Variants in RTN4 observed in about 807,000 individuals in gnomAD.
RTN4 encodes the protein reticulon 4, also known as reticulon-4.
RTN4 carries 32 observed loss-of-function variants against 90.4 expected under a neutral mutation model. The observed-to-expected ratio is 0.35, with a 90% CI of 0.27 to 0.48. The LOEUF is 0.48. Among genes scored for constraint, RTN4 ranks in the 20% least tolerant of loss-of-function variants. The pLI is 0.99. For missense variants in RTN4, 1,706 were observed against 1,430.2 expected (o/e 1.19, Z -3.11); for synonymous variants, 629 against 552.5 (o/e 1.14, Z -1.94).
chr2:55,014,402 T>A (rs1026183520), intron 3 of RTN4: 3 of 152,220 alleles, frequency 2.0e-5, no homozygotes, highest in African/African-American at 7.2e-5. Flanking sequence ...AAAGCATTTT[T>A]AAAAATTTTT....
intron 1 of RTN4, among the ~76,000 whole-genome samples, chr2:55,100,587 T>C (rs1170403138): frequency 6.6e-6 from 1 of 152,124 alleles, no homozygotes; most frequent in Non-Finnish European, 1.5e-5. Flanking sequence ...CAACAAAGCC[T>C]CAAGGTACAT....
At chr2:55,041,643 T>A (rs1437163284) in intron 1 of RTN4, among the ~76,000 whole-genome samples, 1 of 151,958 alleles carries the variant, frequency 6.6e-6, no homozygotes, top group Non-Finnish European at 1.5e-5. Context: ...AAATGGGAAA[T>A]AATCTTGAAA....
intron 3 of RTN4, among the ~76,000 whole-genome samples, chr2:55,010,737 A>G (rs919870351): frequency 6.6e-6 from 1 of 152,214 alleles, no homozygotes. Context: ...ATGAAGAGAT[A>G]AACAGAAAAT....
upstream of RTN4, among the ~76,000 whole-genome samples, chr2:55,052,995 T>TA (rs1668124511): frequency 6.6e-6 from 1 of 152,232 alleles, no homozygotes; most frequent in Non-Finnish European, 1.5e-5. Context: ...GGAGTATCTT[T>TA]AATCAAAGTT....
At chr2:55,015,996 C>G (rs890516024) in intron 3 of RTN4, among the ~76,000 whole-genome samples, 14 of 151,972 alleles carry the variant, frequency 9.2e-5, no homozygotes, top group Non-Finnish European at 7.4e-5. Context: ...GTTTTTATTT[C>G]AAATTGATTT....
chr2:55,038,042 T>G (rs778557278), intron 1 of RTN4, among the ~76,000 whole-genome samples: 20 of 152,224 alleles, frequency 1.3e-4, no homozygotes, highest in South Asian at 8.3e-4. Flanking sequence ...AAAAATATTT[T>G]CAAAAAACTC....
At chr2:55,125,408 G>C in the RTN4 span, among the ~76,000 whole-genome samples, 1 of 152,184 alleles carries the variant, frequency 6.6e-6, no homozygotes, top group Non-Finnish European at 1.5e-5. Context: ...AACTTGAACA[G>C]ATTTATAAGA....
intron 2 of RTN4, among the ~76,000 whole-genome samples, chr2:55,068,818 A>T (rs1165363508): frequency 1.3e-5 from 2 of 152,234 alleles, no homozygotes; most frequent in African/African-American, 4.8e-5. Context: ...GAATGTTAAA[A>T]AATGGGCACT....
chr2:54,994,471 C>T (rs948452680), intron 3 of RTN4, among the ~76,000 whole-genome samples: 1 of 152,120 alleles, frequency 6.6e-6, no homozygotes, highest in Admixed American at 6.5e-5. Flanking sequence ...AGGATAAGGA[C>T]AAAAACCACA....
chr2:55,130,972 G>C, the RTN4 span, among the ~76,000 whole-genome samples: 2 of 152,200 alleles, frequency 1.3e-5, no homozygotes, highest in African/African-American at 4.8e-5. Context: ...ATGTCCAAGA[G>C]TCATGCAAAA....
At chr2:55,002,144 G>C (rs527973524) in intron 3 of RTN4, among the ~76,000 whole-genome samples, 1 of 151,918 alleles carries the variant, frequency 6.6e-6, no homozygotes, top group South Asian at 2.1e-4. Context: ...CTGCAGCCTC[G>C]ACCTCCTGGG....
At chr2:55,024,980 G>C in intron 3 of RTN4, 106 bp downstream of exon 3, 1 of 1,317,744 alleles carries the variant, frequency 7.6e-7, no homozygotes, top group South Asian at 1.5e-5. Context: ...TTACCAATGT[G>C]ACATATGAGA....
At chr2:55,098,273 A>G (rs1667788002) in intron 1 of RTN4, among the ~76,000 whole-genome samples, 1 of 152,146 alleles carries the variant, frequency 6.6e-6, no homozygotes. Context: ...ATTCATTTGG[A>G]CTTATAATCC....
At chr2:55,053,606 G>T (rs928512235), upstream of RTN4, among the ~76,000 whole-genome samples, 2 of 151,014 alleles carry the variant, frequency 1.3e-5, 1 homozygote, top group African/African-American at 4.9e-5. Flanking sequence ...GAATTGCTTG[G>T]ACCTGAGAGG....
At chr2:55,067,354 G>A (rs897099613) in intron 2 of RTN4, among the ~76,000 whole-genome samples, 19 of 151,698 alleles carry the variant, frequency 1.3e-4, no homozygotes, top group African/African-American at 4.6e-4. Context: ...TTTAAACAAT[G>A]AAAGGGAATA....
chr2:55,003,921 G>A (rs1680024574), intron 3 of RTN4, among the ~76,000 whole-genome samples: 1 of 152,086 alleles, frequency 6.6e-6, no homozygotes, highest in East Asian at 1.9e-4. Flanking sequence ...GGGGACGCGG[G>A]GTGGAGGGCT....
At chr2:55,087,382 G>A (rs6724138) in intron 1 of RTN4, among the ~76,000 whole-genome samples, 44,224 of 152,002 alleles carry the variant, frequency 0.29, 8,668 homozygotes, top group African/African-American at 0.55. Context: ...TATCATTGTT[G>A]TTTTTAATGT....
chr2:54,974,441 A>G (rs1019340376), intron 6 of RTN4, among the ~76,000 whole-genome samples: 2 of 152,188 alleles, frequency 1.3e-5, no homozygotes, highest in Admixed American at 6.5e-5. Context: ...CACCACGCCC[A>G]GCTAATTTTT....
intron 3 of RTN4, among the ~76,000 whole-genome samples, chr2:55,011,693 A>C (rs921495286): frequency 6.6e-6 from 1 of 152,192 alleles, no homozygotes; most frequent in African/African-American, 2.4e-5. Context: ...ACCCAAAAAA[A>C]CTAAAAACAA....
Sources: gnomAD v4.1 joint callset for allele counts (sites outside exome capture counted in the v4.1 genomes callset) on GRCh38, gnomAD v4.1.1 for gene constraint, MANE v1.5 for transcripts, NCBI Gene and HGNC (gene_info 2026-07-23, HGNC 2026-07-21) for gene names.